Variants in PUM2 observed in about 807,000 individuals in gnomAD.
PUM2 encodes pumilio RNA binding family member 2.
PUM2 carries 57 observed loss-of-function variants against 124.5 expected under a neutral mutation model. The ratio of observed to expected loss-of-function variants is 0.46; its 90% CI spans 0.37 to 0.57. The LOEUF is 0.57. Among genes scored for constraint, PUM2 ranks in the 20% least tolerant of loss-of-function variants. The pLI is 0.00. For missense variants in PUM2, 1,065 were observed against 1,290.6 expected (o/e 0.83, Z 2.68); for synonymous variants, 460 against 446.1 (o/e 1.03, Z -0.39).
At chr2:20,288,075 A>G (rs992925667) in intron 10 of PUM2, among the ~76,000 whole-genome samples, 8 of 152,246 alleles carry the variant, frequency 5.3e-5, no homozygotes, top group African/African-American at 1.9e-4. Context: ...ATAAGTCTAA[A>G]GTATCTCCAC....
At position 20,251,464 on chromosome 2, in the gene PUM2, A is replaced by G. The variant is rs1197857384; in HGVS notation, c.*121T>C. The G allele has an allele frequency of 8.0e-7, 1 of 1,247,176 alleles. No individual in the cohort carries two copies. Among genetic ancestry groups the G allele is most frequent in the Non-Finnish European group, 1.1e-6 (1 of 905,722 alleles). The allele number at this position is 1,247,176 out of a possible 1,614,324, so 77.3% of individuals were successfully genotyped here. Reference sequence around the variant, plus strand: ...ATTTACAAATGGATGAATAAAGTCAATAAATAGTTTTGCTTTAAAAAAAAA... The same window carrying G: ...ATTTACAAATGGATGAATAAAGTCAGTAAATAGTTTTGCTTTAAAAAAAAA... On this transcript the variant is annotated 3_prime_UTR_variant, in exon 21 of 21. Coordinates refer to ENST00000361078, the MANE Select transcript of PUM2 (RefSeq NM_015317.5).
intron 1 of PUM2, among the ~76,000 whole-genome samples, chr2:20,349,638 G>A (rs1204174750): frequency 1.3e-5 from 2 of 151,820 alleles, no homozygotes; most frequent in Non-Finnish European, 2.9e-5. Context: ...AAATCCTTCG[G>A]TAACTCCCTT....
chr2:20,309,853 A>G (rs150526909), intron 5 of PUM2, among the ~76,000 whole-genome samples: 117 of 152,242 alleles, frequency 7.7e-4, no homozygotes, highest in African/African-American at 2.4e-3. Flanking sequence ...GTAGATATGT[A>G]AGCAAACTTA....
At position 20,312,498 on chromosome 2, in the gene PUM2, A is replaced by G. The variant is rs917482072; in HGVS notation, c.161-75T>C. On this transcript the variant is annotated intron_variant, in intron 3 of 20. Transcript: ENST00000361078. ...AAAATGTAGTTAAATTAATATACTGAAGTAAGAAAAATCAGCACATTGTTT... is the reference window on the plus strand; with the variant it reads ...AAAATGTAGTTAAATTAATATACTGGAGTAAGAAAAATCAGCACATTGTTT... 2.3e-6 allele frequency: 3 copies of G among 1,316,648 alleles called. No individual in the cohort carries two copies. The East Asian group carries it at 7.6e-5, about 33-fold the overall frequency. 81.6% of individuals were successfully genotyped at this position (1,316,648 alleles called of 1,614,324 possible).
At chr2:20,291,466 C>T (rs1242205576) in intron 9 of PUM2, among the ~76,000 whole-genome samples, 1 of 152,200 alleles carries the variant, frequency 6.6e-6, no homozygotes, top group East Asian at 1.9e-4. Context: ...ACTGCATATT[C>T]CTCTGTTCCT....
chr2:20,310,705 T>C (rs2148583710), intron 5 of PUM2, among the ~76,000 whole-genome samples: 1 of 152,060 alleles, frequency 6.6e-6, no homozygotes, highest in East Asian at 1.9e-4. Context: ...ACCCACCATA[T>C]ACCTAATACT....
At position 20,308,341 on chromosome 2, in the gene PUM2, G is replaced by A; in HGVS notation, c.762C>T (p.Gly254=). The change falls in exon 6 of 21, where the codon GGC becomes GGT. Residue 254 remains glycine (G), a synonymous_variant. Transcript: ENST00000361078. ...VPMDSSGATV[G]LFDYNSQQQL... ...GCTGCTGGGAATTGTAGTCAAAAAG[G>A]CCTACAGTAGCTCCTGAAGAGTCCA... 6.2e-7 allele frequency: 1 copy of A among 1,613,898 alleles called. No individual in the cohort carries two copies. The highest frequency in any genetic ancestry group is 8.5e-7 in the Non-Finnish European group (1 of 1,179,842).
chr2:20,249,154 C>T lies in PUM2; in HGVS notation c.*2431G>A, dbSNP rs1305140504. Reference sequence around the variant, plus strand: ...GTTTAGTTTCTCAATGTAGTATTCTCTACTTGTCATTTTCTAAAATTGCAG... The same window carrying T: ...GTTTAGTTTCTCAATGTAGTATTCTTTACTTGTCATTTTCTAAAATTGCAG... On this transcript the variant is annotated 3_prime_UTR_variant, in exon 21 of 21. Transcript: ENST00000361078. 2 of 152,176 alleles carry T rather than the reference C, an allele frequency of 1.3e-5. No individual in the cohort carries two copies. Among genetic ancestry groups the T allele is most frequent in the African/African-American group, 4.8e-5 (2 of 41,428 alleles). The allele number at this position is 152,176 out of a possible 1,614,324, so 9.4% of individuals were successfully genotyped here.
rs114313376 is a variant in PUM2 at position 20,286,804 on chromosome 2, G to A, written c.1292-3318C>T. Among the ~76,000 whole-genome samples the A allele has an allele frequency of 8.6e-3, 1,308 of 151,952 alleles. 27 individuals carry two copies. Among genetic ancestry groups the A allele is most frequent in the African/African-American group, 0.031 (1,265 of 41,430 alleles). ...AAAACCTATATATTCTCTATGCTAT[G>A]TTTTTGTTCTAATCCACAAGTTTAA... On this transcript the variant is annotated intron_variant, in intron 10 of 20. Coordinates refer to ENST00000361078, the MANE Select transcript of PUM2 (RefSeq NM_015317.5).
At chr2:20,344,212 C>T (rs1687775713) in intron 1 of PUM2, among the ~76,000 whole-genome samples, 1 of 152,070 alleles carries the variant, frequency 6.6e-6, no homozygotes, top group Non-Finnish European at 1.5e-5. Flanking sequence ...GGACTACAGA[C>T]GCGAGCCACC....
At chr2:20,262,829 C>G (rs1666627326) in intron 14 of PUM2, among the ~76,000 whole-genome samples, 1 of 152,134 alleles carries the variant, frequency 6.6e-6, no homozygotes, top group East Asian at 1.9e-4. Context: ...GAATACCAAC[C>G]TATAATGCAA....
intron 10 of PUM2, among the ~76,000 whole-genome samples, chr2:20,285,558 G>C (rs73214401): frequency 0.032 from 4,944 of 152,142 alleles, 242 homozygotes; most frequent in African/African-American, 0.11. Flanking sequence ...ACAGGAGTTT[G>C]GTGCATTCTG....
At chr2:20,331,793 T>C (rs1684972875) in intron 1 of PUM2, 1 of 152,188 alleles carries the variant, frequency 6.6e-6, no homozygotes, top group African/African-American at 2.4e-5. Context: ...CTCTGGATAA[T>C]TTTGAGAGGT....
intron 2 of PUM2, among the ~76,000 whole-genome samples, chr2:20,325,510 T>G (rs563228824): frequency 6.6e-6 from 1 of 152,172 alleles, no homozygotes; most frequent in Non-Finnish European, 1.5e-5. Context: ...TTAAAATTAT[T>G]AAATATTATT....
At position 20,332,408 on chromosome 2, in the gene PUM2, TAAA is replaced by T. The variant is rs34916773; in HGVS notation, c.-18-5033_-18-5031del. On this transcript the variant is annotated intron_variant, in intron 1 of 20. Transcript: ENST00000361078. ...ATCAGGGTAGTAGAGTAAAAAGACT[TAAA>T]AAAAAAAAAAACCCACCCCCATCAG... Among the ~76,000 whole-genome samples the T allele has an allele frequency of 6.3e-3, 846 of 134,342 alleles. 8 individuals carry two copies. The highest frequency in any genetic ancestry group is 8.8e-3 in the Non-Finnish European group (548 of 62,012). The allele number at this position is 134,342 out of a possible 152,430, so 88.1% of individuals were successfully genotyped here.
rs1662660064 is a variant in PUM2 at position 20,249,053 on chromosome 2, G to C, written c.*2532C>G. The stretch of plus-strand genomic sequence containing the variant: ...CAAGAACAGGTACTTTTGTAGAGCA[G>C]GCCTGAAAGTATTGGGAAGATTGGG... On this transcript the variant is annotated 3_prime_UTR_variant, in exon 21 of 21. Transcript: ENST00000361078. The C allele has an allele frequency of 6.6e-6, 1 of 152,224 alleles. No individual in the cohort carries two copies. Among genetic ancestry groups the C allele is most frequent in the South Asian group, 2.1e-4 (1 of 4,834 alleles). 9.4% of individuals were successfully genotyped at this position (152,224 alleles called of 1,614,324 possible).
chr2:20,343,982 G>C (rs1176143614), intron 1 of PUM2, among the ~76,000 whole-genome samples: 1 of 152,112 alleles, frequency 6.6e-6, no homozygotes, highest in African/African-American at 2.4e-5. Flanking sequence ...GCATTATTGA[G>C]GCAACAGAGT....
At chr2:20,304,883 T>A (rs1000875826) in intron 7 of PUM2, among the ~76,000 whole-genome samples, 4 of 152,232 alleles carry the variant, frequency 2.6e-5, no homozygotes, top group African/African-American at 7.2e-5. Flanking sequence ...TTTTAATTTT[T>A]AAAAATGTGA....
At chr2:20,283,263 C>T (rs1671977770) in intron 11 of PUM2, 32 bp from the exon 12 acceptor site, 1 of 1,607,796 alleles carries the variant, frequency 6.2e-7, no homozygotes, top group Non-Finnish European at 8.5e-7. Flanking sequence ...CTTCTTTAAA[C>T]CACCCAGAAA....
Sources: allele counts gnomAD v4.1 joint callset (sites outside exome capture counted in the v4.1 genomes callset), GRCh38; gene constraint gnomAD v4.1.1; transcripts MANE v1.5; gene names NCBI Gene and HGNC (gene_info 2026-07-23, HGNC 2026-07-21).